Variants in RMND5B observed in about 807,000 individuals in gnomAD.
RMND5B encodes the protein required for meiotic nuclear division 5 homolog B, also known as E3 ubiquitin-protein transferase RMND5B.
In RMND5B, 42 loss-of-function variants were observed where a neutral mutation model predicts 50.4. The ratio of observed to expected loss-of-function variants is 0.83; its 90% CI spans 0.65 to 1.08. RMND5B has a LOEUF of 1.08. Ranked by LOEUF, RMND5B falls within the 50% of genes least tolerant of loss-of-function variation. The pLI, the probability that RMND5B is intolerant of heterozygous loss-of-function variation, is 0.00. For synonymous variants in RMND5B, 220 were observed against 210.0 expected (o/e 1.05, Z -0.41); for missense variants, 463 against 508.5 (o/e 0.91, Z 0.86).
chr5:178,142,715 A>AAGCCAT lies in RMND5B; in HGVS notation c.273_278dup (p.Ala92_Ile93dup). On this transcript the variant is annotated inframe_insertion, in exon 4 of 11. Transcript: ENST00000313386. Reference sequence around the variant, plus strand: ...CACAGCAGTGTATCCCGAGTGGGCAAAGCCATTGACAGGGTGAGCACGTGG... The same window carrying AAGCCAT: ...CACAGCAGTGTATCCCGAGTGGGCAAAGCCATAGCCATTGACAGGGTGAGCACGTGG... 1 of 1,614,222 alleles carries AAGCCAT rather than the reference A, an allele frequency of 6.2e-7. No homozygotes were observed. Among genetic ancestry groups the AAGCCAT allele is most frequent in the Non-Finnish European group, 8.5e-7 (1 of 1,180,032 alleles).
At chr5:178,143,073 A>G (rs1454676779) in intron 5 of RMND5B, 81 bp downstream of exon 5, 1 of 1,466,382 alleles carries the variant, frequency 6.8e-7, no homozygotes, top group East Asian at 2.3e-5. Flanking sequence ...AGTCCCTACC[A>G]TTCTCAAATC....
intron 5 of RMND5B, among the ~76,000 whole-genome samples, 176 bp downstream of exon 5, chr5:178,143,168 C>A (rs1279822490): frequency 6.6e-6 from 1 of 152,196 alleles, no homozygotes; most frequent in Non-Finnish European, 1.5e-5. Flanking sequence ...AGAAGTTACT[C>A]ATTTTTAGTT....
chr5:178,142,449 C>G (rs1420365682), intron 3 of RMND5B, 134 bp from the exon 4 acceptor site: 2 of 1,002,416 alleles, frequency 2.0e-6, no homozygotes, highest in Non-Finnish European at 3.0e-6. Flanking sequence ...GGAAGAGAAG[C>G]TAGTTCTTTC....
intron 3 of RMND5B, among the ~76,000 whole-genome samples, chr5:178,139,229 T>G (rs1758785429): frequency 6.6e-6 from 1 of 150,654 alleles, no homozygotes. Context: ...TTTTTTGAGA[T>G]GGAGTCTTAC....
At chr5:178,136,261 ATG>A (rs1758617091) in intron 2 of RMND5B, 1 of 152,260 alleles carries the variant, frequency 6.6e-6, no homozygotes, top group East Asian at 1.9e-4. Flanking sequence ...AAATGAATTA[ATG>A]TATGCAAAGT....
In RMND5B at chr5:178,142,888, G is replaced by A. The variant is rs745702990; in HGVS notation, c.322G>A (p.Ala108Thr). Residue 108 changes from alanine to threonine, a missense_variant, in exon 5 of 11, where the codon GCG becomes ACG. Coordinates refer to ENST00000313386, the MANE Select transcript of RMND5B (RefSeq NM_022762.5). ...TGAGATCTGTGGTGTTGTGTCAGAT[G>A]CGGTGTGGGACGCGCGGGAACAGCA... ...DSEICGVVSD[A>T]VWDAREQQQQ... is the part of the protein sequence containing the mutation. 6 of 1,614,136 alleles carry A rather than the reference G, an allele frequency of 3.7e-6. No homozygotes were observed. In the East Asian group the frequency reaches 8.9e-5, roughly 24 times the overall value.
chr5:178,138,402 GAC>G lies in RMND5B; in HGVS notation c.139+146_139+147del, dbSNP rs1192199287. 7.1e-7 allele frequency: 1 copy of G among 1,417,530 alleles called. No homozygotes were observed. Among genetic ancestry groups the G allele is most frequent in the Non-Finnish European group, 9.2e-7 (1 of 1,088,162 alleles). 87.8% of individuals were successfully genotyped at this position (1,417,530 alleles called of 1,614,324 possible). A position where few individuals can be genotyped will look rare whatever the true frequency, so the allele number is the denominator to read the frequency against. The stretch of plus-strand genomic sequence containing the variant: ...GTAGGCCTCCTTGAAACCGGGTAAT[GAC>G]AGTCTCTGAGCTACTTCAAAAAGCC... On this transcript the variant is annotated intron_variant, in intron 3 of 10. Coordinates refer to ENST00000313386, the MANE Select transcript of RMND5B (RefSeq NM_022762.5). This position sits in a 1 kb window ranked among gnomAD's most constrained non-coding sequence, Gnocchi z 5.1.
chr5:178,138,099 CCT>C lies in RMND5B; in HGVS notation c.-12-7_-12-6del. The C allele has an allele frequency of 6.4e-7, 1 of 1,570,298 alleles. No homozygotes were observed. Among genetic ancestry groups the C allele is most frequent in the Non-Finnish European group, 8.6e-7 (1 of 1,158,426 alleles). ...CCAGATGGGGCCTGACCCAGCTGAC[CCT>C]CCCCAGGCTGAGGCCACCATGGAGC... On this transcript the variant is annotated splice_region_variant and splice_polypyrimidine_tract_variant and intron_variant, in intron 2 of 10. Transcript: ENST00000313386. The surrounding 1 kb of genome is among the most constrained non-coding windows in gnomAD (Gnocchi z 5.1).
intron 7 of RMND5B, chr5:178,145,845 AAG>A (rs1167663721): frequency 7.5e-6 from 3 of 399,502 alleles, no homozygotes; most frequent in Non-Finnish European, 9.1e-6. Context: ...TGGGGGAGGA[AAG>A]AGAACTGGAA....
chr5:178,145,076 C>CA (rs1448545630), intron 7 of RMND5B, among the ~76,000 whole-genome samples: 1 of 152,142 alleles, frequency 6.6e-6, no homozygotes, highest in East Asian at 1.9e-4. Context: ...GACAAAGTCT[C>CA]ACTCTGTTGC....
chr5:178,144,846 C>T (rs1257017520), intron 7 of RMND5B, among the ~76,000 whole-genome samples: 1 of 152,082 alleles, frequency 6.6e-6, no homozygotes, highest in East Asian at 1.9e-4. Flanking sequence ...GGAACCCCTG[C>T]CCCTGCTCCC....
At chr5:178,140,420 C>T (rs1402625474) in intron 3 of RMND5B, among the ~76,000 whole-genome samples, 2 of 151,852 alleles carry the variant, frequency 1.3e-5, no homozygotes, top group Non-Finnish European at 2.9e-5. Context: ...TCAAGTGATC[C>T]TCCCGTGTCA....
chr5:178,143,981 C>T lies in RMND5B; in HGVS notation c.567C>T (p.Asn189=), dbSNP rs945887361. 3 of 1,614,272 alleles carry T rather than the reference C, an allele frequency of 1.9e-6. No homozygotes were observed. Among genetic ancestry groups the T allele is most frequent in the Non-Finnish European group, 2.5e-6 (3 of 1,180,050 alleles). ...ACAGGCAGCGCCTGCTGGAACTCAA[C>T]AGCTCCCTGGAGTTCAAGCTGCACC... The part of the protein sequence containing the change: ...VSHRQRLLEL[N]SSLEFKLHRL... Residue 189 remains asparagine, a synonymous_variant, in exon 7 of 11, where the codon AAC becomes AAT. Coordinates refer to ENST00000313386, the MANE Select transcript of RMND5B (RefSeq NM_022762.5).
In RMND5B at chr5:178,138,752, T is replaced by C. The variant is rs1758760653; in HGVS notation, c.139+494T>C. Among the ~76,000 whole-genome samples the C allele has an allele frequency of 6.6e-6, 1 of 152,226 alleles. No individual in the cohort carries two copies. Among genetic ancestry groups the C allele is most frequent in the Non-Finnish European group, 1.5e-5 (1 of 68,048 alleles). The stretch of plus-strand genomic sequence containing the variant: ...TAAAGAACTGATATATACCCTTTAC[T>C]TGGATTCACCAACTGCTCATATGTT... On this transcript the variant is annotated intron_variant, in intron 3 of 10. Coordinates refer to ENST00000313386, the MANE Select transcript of RMND5B (RefSeq NM_022762.5). The surrounding 1 kb of genome is among the most constrained non-coding windows in gnomAD (Gnocchi z 5.1).
At chr5:178,131,152 C>G (rs911627497) in intron 1 of RMND5B, 85 bp from the exon 2 acceptor site, 1 of 152,234 alleles carries the variant, frequency 6.6e-6, no homozygotes, top group Admixed American at 6.5e-5. Flanking sequence ...CTCGGCCGGC[C>G]TCCCGGGCCC....
chr5:178,136,540 CT>C (rs1262646198), intron 2 of RMND5B, among the ~76,000 whole-genome samples: 1 of 152,078 alleles, frequency 6.6e-6, no homozygotes, highest in Non-Finnish European at 1.5e-5. Context: ...CCCTGGGTGC[CT>C]TTTCACTGTC....
At position 178,142,832 on chromosome 5, in the gene RMND5B, T is replaced by G; in HGVS notation, c.286-20T>G. On this transcript the variant is annotated intron_variant, in intron 4 of 10. Coordinates refer to ENST00000313386, the MANE Select transcript of RMND5B (RefSeq NM_022762.5). ...CAAGAGTGCCCGCATCACCAGGCCCTGTCTCTCCTCCTTCGTCAGAACTTC... is the reference window on the plus strand; with the variant it reads ...CAAGAGTGCCCGCATCACCAGGCCCGGTCTCTCCTCCTTCGTCAGAACTTC... The G allele has an allele frequency of 1.9e-6, 3 of 1,614,146 alleles. No homozygotes were observed. The highest frequency in any genetic ancestry group is 2.5e-6 in the Non-Finnish European group (3 of 1,179,954).
At position 178,146,244 on chromosome 5, in the gene RMND5B, G is replaced by C. The variant is rs1199490269; in HGVS notation, c.825G>C (p.Leu275=). The change falls in exon 8 of 11, where the codon CTG becomes CTC. Residue 275 remains leucine (L), a synonymous_variant. Coordinates refer to ENST00000313386, the MANE Select transcript of RMND5B (RefSeq NM_022762.5). ...CETFTRDACS[L]LGLSVESPLS... Reference sequence around the variant, plus strand: ...CCTTTACCCGGGACGCCTGTTCCCTGCTGGGGCTTTCTGTGGAGTCCCCCC... The same window carrying C: ...CCTTTACCCGGGACGCCTGTTCCCTCCTGGGGCTTTCTGTGGAGTCCCCCC... The C allele has an allele frequency of 6.2e-7, 1 of 1,614,056 alleles. No homozygotes were observed. Among genetic ancestry groups the C allele is most frequent in the African/African-American group, 1.3e-5 (1 of 74,934 alleles).
rs1018720312 is a variant in RMND5B at position 178,137,973 on chromosome 5, A to G, written c.-12-135A>G. ...CTTACCAAAACATAGGTACATATAT[A>G]CATATATGTACAAAACATATAACAT... On this transcript the variant is annotated intron_variant, in intron 2 of 10. Coordinates refer to ENST00000313386, the MANE Select transcript of RMND5B (RefSeq NM_022762.5). This position sits in a 1 kb window ranked among gnomAD's most constrained non-coding sequence, Gnocchi z 4.4. 13 of 768,524 alleles carry G rather than the reference A, an allele frequency of 1.7e-5. No individual in the cohort carries two copies. Among genetic ancestry groups the G allele is most frequent in the Admixed American group, 3.2e-5 (1 of 31,276 alleles). The allele number at this position is 768,524 out of a possible 1,614,324, so 47.6% of individuals were successfully genotyped here.
Sources: allele counts gnomAD v4.1 joint callset (sites outside exome capture counted in the v4.1 genomes callset), GRCh38; gene constraint gnomAD v4.1.1; non-coding constraint Gnocchi (gnomAD v3.1); transcripts MANE v1.5; gene names NCBI Gene and HGNC (gene_info 2026-07-23, HGNC 2026-07-21).